The following CCDC178 variants were observed in gnomAD, a reference collection of about 807,000 sequenced individuals.
The protein encoded by CCDC178 is coiled-coil domain-containing protein 178.
A neutral mutation model predicts 117.4 loss-of-function variants in CCDC178; 126 were observed. That is an observed-to-expected ratio of 1.07 (90% CI 0.93 to 1.24). The LOEUF (loss-of-function observed/expected upper bound fraction) is 1.24, where lower values mean the gene tolerates loss of function less well. CCDC178 is among the 50% of genes most tolerant of loss of function. The probability of loss-of-function intolerance (pLI) is 0.00; values close to 1 mark genes in which losing one functional copy is unlikely to be tolerated. For missense variants in CCDC178, 1,030 were observed against 986.9 expected, an observed-to-expected ratio of 1.04 and a Z score of -0.59; for synonymous variants, 283 against 313.4, an observed-to-expected ratio of 0.90 and a Z score of 1.02.
intron 21 of CCDC178, among the ~76,000 whole-genome samples, chr18:32,982,349 A>T (rs2055170885): frequency 6.6e-6 from 1 of 152,188 alleles, no homozygotes; most frequent in Non-Finnish European, 1.5e-5. Flanking sequence ...ATGTATAGTT[A>T]TCTGAAAATG....
intron 4 of CCDC178, 125 bp from the exon 5 acceptor site, chr18:33,389,754 T>C (rs2063542409): frequency 2.5e-6 from 1 of 405,448 alleles, no homozygotes; most frequent in Non-Finnish European, 4.4e-6. Context: ...ACAACTATGA[T>C]ACAAATATTA....
chr18:33,173,115 C>T (rs1010198674), intron 20 of CCDC178, among the ~76,000 whole-genome samples: 1 of 152,058 alleles, frequency 6.6e-6, no homozygotes, highest in African/African-American at 2.4e-5. Context: ...AGTGGCATGA[C>T]CTTGGCTCAC....
At chr18:33,384,858 A>G (rs1419547966) in intron 5 of CCDC178, among the ~76,000 whole-genome samples, 1 of 152,214 alleles carries the variant, frequency 6.6e-6, no homozygotes, top group Non-Finnish European at 1.5e-5. Context: ...AAATTCACAC[A>G]TAACAATATT....
At chr18:33,023,858 A>G (rs1410228453) in intron 21 of CCDC178, among the ~76,000 whole-genome samples, 1 of 152,218 alleles carries the variant, frequency 6.6e-6, no homozygotes, top group Non-Finnish European at 1.5e-5. Flanking sequence ...AGACTGTCAA[A>G]GAATAAAGAA....
At chr18:33,072,341 A>G (rs1429151062) in intron 21 of CCDC178, among the ~76,000 whole-genome samples, 1 of 152,216 alleles carries the variant, frequency 6.6e-6, no homozygotes, top group Non-Finnish European at 1.5e-5. Flanking sequence ...TAAATCGAAG[A>G]GAGTCCCCAT....
intron 21 of CCDC178, among the ~76,000 whole-genome samples, chr18:32,978,108 G>C (rs1366264510): frequency 6.6e-6 from 1 of 151,804 alleles, no homozygotes; most frequent in Non-Finnish European, 1.5e-5. Context: ...TAGCCATAAA[G>C]GCCTTGAATT....
chr18:32,983,395 C>T, intron 21 of CCDC178: 1 of 1,194,682 alleles, frequency 8.4e-7, no homozygotes, highest in Non-Finnish European at 1.2e-6. Flanking sequence ...GAAGCCATTT[C>T]AGAAGTCCGT....
chr18:33,319,082 T>C (rs2062463786), intron 11 of CCDC178, among the ~76,000 whole-genome samples: 1 of 152,166 alleles, frequency 6.6e-6, no homozygotes, highest in Admixed American at 6.5e-5. Context: ...AGGGTACATG[T>C]GCACAACGTG....
At chr18:33,159,009 A>C (rs772305591) in intron 20 of CCDC178, among the ~76,000 whole-genome samples, 33 of 152,074 alleles carry the variant, frequency 2.2e-4, no homozygotes, top group Non-Finnish European at 4.0e-4. Context: ...GTCATATAAA[A>C]ATTTTTAATA....
At chr18:33,333,432 T>G in intron 9 of CCDC178, 38 bp from the exon 10 acceptor site, 1 of 1,037,250 alleles carries the variant, frequency 9.6e-7, no homozygotes, top group Non-Finnish European at 1.4e-6. Flanking sequence ...AAAATCTGAT[T>G]GGAGGAAATA....
intron 20 of CCDC178, among the ~76,000 whole-genome samples, chr18:33,140,810 T>C (rs996840391): frequency 1.3e-5 from 2 of 152,174 alleles, no homozygotes; most frequent in Non-Finnish European, 2.9e-5. Flanking sequence ...GACATGAGAT[T>C]TGGATGTGCC....
At chr18:32,949,420 C>A (rs2054428578) in intron 22 of CCDC178, among the ~76,000 whole-genome samples, 1 of 152,014 alleles carries the variant, frequency 6.6e-6, no homozygotes, top group Non-Finnish European at 1.5e-5. Context: ...AACTGGTGTT[C>A]TTCATTTTTA....
intron 17 of CCDC178, among the ~76,000 whole-genome samples, chr18:33,223,617 A>G (rs1158394449): frequency 3.9e-5 from 6 of 152,146 alleles, no homozygotes; most frequent in Non-Finnish European, 8.8e-5. Context: ...TTTATTAACT[A>G]TTAAAATATA....
chr18:33,150,888 A>G (rs548686869), intron 20 of CCDC178, among the ~76,000 whole-genome samples: 1 of 152,220 alleles, frequency 6.6e-6, no homozygotes, highest in Non-Finnish European at 1.5e-5. Flanking sequence ...AGTGCCTATC[A>G]ACCATACACC....
intron 7 of CCDC178, among the ~76,000 whole-genome samples, chr18:33,349,358 G>A (rs1169720949): frequency 1.3e-5 from 2 of 151,800 alleles, no homozygotes; most frequent in Non-Finnish European, 3.0e-5. Flanking sequence ...AAATTACAAT[G>A]AGTAAAAATA....
At chr18:33,290,089 T>G (rs779957759) in intron 12 of CCDC178, among the ~76,000 whole-genome samples, 48 of 152,188 alleles carry the variant, frequency 3.2e-4, no homozygotes, top group Non-Finnish European at 5.7e-4. Flanking sequence ...TCTCTTACAG[T>G]AATTGATAGA....
chr18:33,132,715 T>C (rs1288223203), intron 20 of CCDC178, among the ~76,000 whole-genome samples: 1 of 151,760 alleles, frequency 6.6e-6, no homozygotes, highest in Non-Finnish European at 1.5e-5. Context: ...CAATTTTTTC[T>C]AAATAGTGTT....
intron 5 of CCDC178, among the ~76,000 whole-genome samples, chr18:33,376,487 A>C (rs1486894343): frequency 6.6e-6 from 1 of 152,082 alleles, no homozygotes; most frequent in Non-Finnish European, 1.5e-5. Context: ...ATGCATATGC[A>C]GGTTTGTTAC....
At chr18:33,193,075 C>T (rs1050773880) in intron 20 of CCDC178, among the ~76,000 whole-genome samples, 37 of 149,910 alleles carry the variant, frequency 2.5e-4, no homozygotes, top group African/African-American at 8.8e-4. Flanking sequence ...TTGGCTTACA[C>T]GGTGAAACCC....
Sources: gnomAD v4.1 joint callset for allele counts (sites outside exome capture counted in the v4.1 genomes callset) on GRCh38, gnomAD v4.1.1 for gene constraint, MANE v1.5 for transcripts, NCBI Gene and HGNC (gene_info 2026-07-23, HGNC 2026-07-21) for gene names.